Variants in ZNG1C observed in about 807,000 individuals in gnomAD.
ZNG1C encodes the protein Zn regulated GTPase metalloprotein activator 1C.
the ZNG1C span, chr9:68,274,504 A>C: frequency 6.7e-6 from 1 of 149,878 alleles, no homozygotes; most frequent in East Asian, 2.0e-4. Flanking sequence ...AAAGAAATAC[A>C]AAAATTGCAG....
the ZNG1C span, among the ~76,000 whole-genome samples, chr9:68,272,249 A>G: frequency 7.5e-6 from 1 of 134,104 alleles, no homozygotes; most frequent in African/African-American, 2.8e-5. Flanking sequence ...GTCTTAAGCT[A>G]CTTAAAGCAG....
the ZNG1C span, among the ~76,000 whole-genome samples, chr9:68,266,712 T>C: frequency 1.6e-5 from 2 of 124,804 alleles, no homozygotes; most frequent in Admixed American, 7.9e-5. Flanking sequence ...TTTCTTGTTC[T>C]GTTTTTTTTT....
chr9:68,246,929 T>C, the ZNG1C span, among the ~76,000 whole-genome samples: 1 of 133,212 alleles, frequency 7.5e-6, no homozygotes, highest in South Asian at 2.6e-4. Context: ...GCCTCCCGGG[T>C]TCACGCCATT....
the ZNG1C span, among the ~76,000 whole-genome samples, chr9:68,296,387 TG>T: frequency 6.6e-6 from 1 of 151,840 alleles, no homozygotes. Context: ...AGGTGATGGG[TG>T]TACCAAAATC....
At chr9:68,276,569 C>T in the ZNG1C span, among the ~76,000 whole-genome samples, 1 of 150,040 alleles carries the variant, frequency 6.7e-6, no homozygotes, top group East Asian at 1.9e-4. Context: ...GGAATCCTTT[C>T]CCCACTGCTT....
chr9:68,250,970 C>T, the ZNG1C span: 1,618 of 297,854 alleles, frequency 5.4e-3, 13 homozygotes, highest in South Asian at 0.017. Context: ...ATGTGACAGG[C>T]CTGTAGTCCC....
At chr9:68,293,250 A>G in the ZNG1C span, among the ~76,000 whole-genome samples, 2,800 of 121,454 alleles carry the variant, frequency 0.023, no homozygotes, top group South Asian at 0.064. Flanking sequence ...TAAAACAAAA[A>G]TACAATTAGA....
At chr9:68,272,478 A>T in the ZNG1C span, 1 of 69,298 alleles carries the variant, frequency 1.4e-5, no homozygotes, top group East Asian at 3.0e-4. Flanking sequence ...TTTGGAAAAG[A>T]TCTCATGGTT....
At chr9:68,299,371 T>C in the ZNG1C span, 1 of 577,846 alleles carries the variant, frequency 1.7e-6, no homozygotes, top group African/African-American at 2.0e-5. Flanking sequence ...TACTATTCTT[T>C]TTGTAAATTT....
chr9:68,256,128 C>T, the ZNG1C span, among the ~76,000 whole-genome samples: 44 of 151,834 alleles, frequency 2.9e-4, no homozygotes, highest in African/African-American at 5.8e-4. Context: ...CAGCTTTAGA[C>T]GTTGGAATGA....
At chr9:68,275,315 GT>G in the ZNG1C span, among the ~76,000 whole-genome samples, 11,495 of 142,428 alleles carry the variant, frequency 0.081, 332 homozygotes, top group South Asian at 0.2. Context: ...TTTTTCTTGA[GT>G]TTTTTTTTAA....
At chr9:68,296,289 GAC>G in the ZNG1C span, among the ~76,000 whole-genome samples, 1 of 152,194 alleles carries the variant, frequency 6.6e-6, no homozygotes, top group Admixed American at 6.5e-5. Flanking sequence ...GCATAAGAAT[GAC>G]ACAATAAACT....
the ZNG1C span, among the ~76,000 whole-genome samples, chr9:68,279,598 T>C: frequency 1.4e-5 from 2 of 144,248 alleles, no homozygotes; most frequent in Non-Finnish European, 3.0e-5. Context: ...AAATTCTGGA[T>C]TGAAAATTCT....
chr9:68,276,440 C>T, the ZNG1C span, among the ~76,000 whole-genome samples: 10 of 93,588 alleles, frequency 1.1e-4, 1 homozygote, highest in South Asian at 1.7e-3. Context: ...GGTTTTAGGT[C>T]GAACGTTTAA....
At chr9:68,268,803 AT>A in the ZNG1C span, 1 of 413,626 alleles carries the variant, frequency 2.4e-6, no homozygotes, top group Non-Finnish European at 4.3e-6. Flanking sequence ...TCTGTTTTTA[AT>A]TTTTTTCTGG....
the ZNG1C span, among the ~76,000 whole-genome samples, chr9:68,257,238 A>G: frequency 7.6e-6 from 1 of 131,676 alleles, no homozygotes; most frequent in African/African-American, 2.8e-5. Flanking sequence ...GGGTTTCGCC[A>G]TGTTGGCCTG....
the ZNG1C span, among the ~76,000 whole-genome samples, chr9:68,275,444 T>G: frequency 6.7e-6 from 1 of 149,434 alleles, no homozygotes; most frequent in African/African-American, 2.5e-5. Context: ...CATCTAGCAT[T>G]AGTTATATCT....
chr9:68,256,656 T>C, the ZNG1C span, among the ~76,000 whole-genome samples: 16 of 130,518 alleles, frequency 1.2e-4, no homozygotes, highest in Admixed American at 9.9e-4. Context: ...GGTAGAAGAA[T>C]GATGTTTTGT....
the ZNG1C span, chr9:68,257,019 T>TG: frequency 2.0e-5 from 3 of 147,802 alleles, no homozygotes; most frequent in South Asian, 9.4e-5. Context: ...TTTCTTGGTT[T>TG]TTTTTTTTGT....
Sources: gnomAD v4.1 joint callset for allele counts (sites outside exome capture counted in the v4.1 genomes callset) on GRCh38, gnomAD v4.1.1 for gene constraint, MANE v1.5 for transcripts, NCBI Gene and HGNC (gene_info 2026-07-23, HGNC 2026-07-21) for gene names.